Variants in NPAS2 observed in about 807,000 individuals in gnomAD.
NPAS2 encodes neuronal PAS domain-containing protein 2.
NPAS2 carries 23 observed loss-of-function variants against 107.5 expected under a neutral mutation model. The observed-to-expected ratio is 0.21, with a 90% CI of 0.15 to 0.30. The LOEUF (loss-of-function observed/expected upper bound fraction) is 0.30, where lower values mean the gene tolerates loss of function less well. Among genes scored for constraint, NPAS2 ranks in the 10% least tolerant of loss-of-function variants. The pLI, the probability that NPAS2 is intolerant of heterozygous loss-of-function variation, is 1.00. For synonymous variants in NPAS2, 403 were observed against 417.5 expected (o/e 0.97, Z 0.42); for missense variants, 756 against 1,043.3 (o/e 0.72, Z 3.79).
At chr2:100,888,044 T>G (rs1680824981) in intron 1 of NPAS2, among the ~76,000 whole-genome samples, 4 of 152,160 alleles carry the variant, frequency 2.6e-5, no homozygotes, top group Admixed American at 2.6e-4. Context: ...GCCCTTAGTC[T>G]GCAGAGTTAG....
chr2:100,915,333 C>A (rs1682814252), intron 2 of NPAS2, among the ~76,000 whole-genome samples: 1 of 152,100 alleles, frequency 6.6e-6, no homozygotes, highest in Non-Finnish European at 1.5e-5. Flanking sequence ...TGAGGAAGGG[C>A]AGGATAAATA....
At chr2:100,831,959 A>C (rs1246281826) in intron 1 of NPAS2, among the ~76,000 whole-genome samples, 1 of 152,038 alleles carries the variant, frequency 6.6e-6, no homozygotes, top group East Asian at 1.9e-4. Context: ...ACCCCCTAGC[A>C]TGCTGATTCT....
intron 2 of NPAS2, among the ~76,000 whole-genome samples, chr2:100,917,566 G>A (rs1627254): frequency 0.52 from 79,508 of 151,872 alleles, 21,462 homozygotes; most frequent in Admixed American, 0.65. Flanking sequence ...AATAAAATTG[G>A]TAAGTCTATC....
In NPAS2 at chr2:100,954,242, C is replaced by G. The variant is rs1000229720; in HGVS notation, c.598+4762C>G. ...CTGGTTGGGGTGTGAGCTTTAGGTG[C>G]GTTGCTTTGCATACGAAAGGTACCT... is the stretch of plus-strand genomic sequence containing the variant. On this transcript the variant is annotated intron_variant, in intron 7 of 20. Transcript: ENST00000335681. Among the ~76,000 whole-genome samples, 3 of 152,248 alleles carry G rather than the reference C, an allele frequency of 2.0e-5. No homozygotes were observed. In the South Asian group the frequency reaches 6.2e-4, roughly 32 times the overall value.
At position 100,995,902 on chromosome 2, in the gene NPAS2, A is replaced by G; in HGVS notation, c.*320A>G. ...ATGGCGCATCTCGCTGCATCCCCCG[A>G]GAGTACACCGGTTGCTCTAGCCACC... On this transcript the variant is annotated 3_prime_UTR_variant, in exon 21 of 21. Coordinates refer to ENST00000335681, the MANE Select transcript of NPAS2 (RefSeq NM_002518.4). 1 of 1,442,852 alleles carries G rather than the reference A, an allele frequency of 6.9e-7. No individual in the cohort carries two copies. The highest frequency in any genetic ancestry group is 2.1e-5 in the Admixed American group (1 of 47,862). 89.4% of individuals were successfully genotyped at this position (1,442,852 alleles called of 1,614,324 possible). A position where few individuals can be genotyped will look rare whatever the true frequency, so the allele number is the denominator to read the frequency against.
chr2:100,964,004 C>A, intron 7 of NPAS2, 54 bp from the exon 8 acceptor site: 1 of 1,137,022 alleles, frequency 8.8e-7, no homozygotes, highest in Non-Finnish European at 1.3e-6. Flanking sequence ...TAGGGATTGG[C>A]TGCTGTCACC....
intron 1 of NPAS2, among the ~76,000 whole-genome samples, chr2:100,873,806 C>A (rs1268096071): frequency 6.6e-6 from 1 of 152,158 alleles, no homozygotes; most frequent in Non-Finnish European, 1.5e-5. Context: ...AAAATCCCAA[C>A]CGCTATCATA....
chr2:100,879,380 C>T (rs1452812466), intron 1 of NPAS2, among the ~76,000 whole-genome samples: 1 of 152,150 alleles, frequency 6.6e-6, no homozygotes, highest in African/African-American at 2.4e-5. Flanking sequence ...TATTTAACAA[C>T]AGTTCCTAAT....
At position 100,975,568 on chromosome 2, in the gene NPAS2, G is replaced by A; in HGVS notation, c.1392+1G>A. On this transcript the variant is annotated splice_donor_variant, in intron 14 of 20. Transcript: ENST00000335681. LOFTEE classifies it high-confidence loss of function. Reference sequence around the variant, plus strand: ...GCTCAGCCAGGCAGCCACCATGCCGGTAAGTGTGTGACCCCAAACTCCTCC... The same window carrying A: ...GCTCAGCCAGGCAGCCACCATGCCGATAAGTGTGTGACCCCAAACTCCTCC... 3 of 1,606,580 alleles carry A rather than the reference G, an allele frequency of 1.9e-6. No homozygotes were observed. The highest frequency in any genetic ancestry group is 8.5e-7 in the Non-Finnish European group (1 of 1,175,652).
Position 100,990,882 on chromosome 2 carries a change from C to A in NPAS2, c.2111+10C>A. ...CGGGACGGCAAGTCAAGTACGTGGA[C>A]CCTGGCGGGAGGCAGGAGGCAAGCG... On this transcript the variant is annotated intron_variant, in intron 19 of 20. Transcript: ENST00000335681. 1 of 1,613,018 alleles carries A rather than the reference C, an allele frequency of 6.2e-7. No individual in the cohort carries two copies. Among genetic ancestry groups the A allele is most frequent in the Non-Finnish European group, 8.5e-7 (1 of 1,179,044 alleles).
chr2:100,975,762 C>T (rs1458104087), intron 14 of NPAS2, 195 bp downstream of exon 14: 1 of 496,544 alleles, frequency 2.0e-6, no homozygotes, highest in Non-Finnish European at 3.6e-6. Context: ...ACAAAATTAA[C>T]ATGGATGCAT....
At chr2:100,979,479 A>ACT (rs1491138629) in intron 15 of NPAS2, among the ~76,000 whole-genome samples, 7 of 93,772 alleles carry the variant, frequency 7.5e-5, no homozygotes, top group African/African-American at 3.3e-4. Context: ...TTTAATAATA[A>ACT]CTATATATAT....
chr2:100,954,681 GAAA>G (rs371832114), intron 7 of NPAS2, among the ~76,000 whole-genome samples: 1 of 94,510 alleles, frequency 1.1e-5, no homozygotes. Context: ...AAAAAAAAAA[GAAA>G]AAAAAGAAAA....
intron 2 of NPAS2, among the ~76,000 whole-genome samples, chr2:100,909,091 C>T (rs751848848): frequency 3.3e-5 from 5 of 152,138 alleles, no homozygotes; most frequent in African/African-American, 1.2e-4. Flanking sequence ...TTCTTCTGGT[C>T]CCCCTGGGGT....
chr2:100,851,594 C>G (rs184797419), intron 1 of NPAS2, among the ~76,000 whole-genome samples: 1 of 152,170 alleles, frequency 6.6e-6, no homozygotes, highest in African/African-American at 2.4e-5. Context: ...CCCTGAGCAC[C>G]CACTGGCCAG....
intron 1 of NPAS2, among the ~76,000 whole-genome samples, chr2:100,845,394 TTC>T (rs1176832929): frequency 2.6e-5 from 4 of 152,096 alleles, no homozygotes; most frequent in Non-Finnish European, 5.9e-5. Context: ...GGGGATCAGG[TTC>T]TGTTTTTACA....
At chr2:100,919,162 C>A (rs1683069265) in intron 2 of NPAS2, among the ~76,000 whole-genome samples, 1 of 152,166 alleles carries the variant, frequency 6.6e-6, no homozygotes, top group Admixed American at 6.5e-5. Flanking sequence ...TAGGATTATA[C>A]TTTTACGACA....
intron 1 of NPAS2, among the ~76,000 whole-genome samples, chr2:100,829,224 G>A (rs1332541441): frequency 4.7e-5 from 7 of 147,394 alleles, no homozygotes; most frequent in East Asian, 4.0e-4. Flanking sequence ...TCATTCTGTC[G>A]CCCAGGCTGG....
intron 3 of NPAS2, among the ~76,000 whole-genome samples, chr2:100,928,027 G>A (rs1683695190): frequency 6.6e-6 from 1 of 152,154 alleles, no homozygotes; most frequent in Non-Finnish European, 1.5e-5. Context: ...TCCTAGACAA[G>A]ATGATTTCAT....
Sources: allele counts gnomAD v4.1 joint callset (sites outside exome capture counted in the v4.1 genomes callset), GRCh38; gene constraint gnomAD v4.1.1; transcripts MANE v1.5; gene names NCBI Gene and HGNC (gene_info 2026-07-23, HGNC 2026-07-21).